Variants in RBM26 observed in about 807,000 individuals in gnomAD.
RBM26 encodes the protein RNA binding motif protein 26.
In RBM26, 30 loss-of-function variants were observed where a neutral mutation model predicts 123.6. The ratio of observed to expected loss-of-function variants is 0.24; its 90% CI spans 0.18 to 0.33. The LOEUF is 0.33. Ranked by LOEUF, RBM26 falls within the 10% of genes least tolerant of loss-of-function variation. The pLI is 1.00. For missense variants in RBM26, 947 were observed against 1,203.6 expected (o/e 0.79, Z 3.15); for synonymous variants, 400 against 404.4 (o/e 0.99, Z 0.13).
chr13:79,320,606 C>A lies in RBM26; in HGVS notation c.*15G>T. ...AGGTAGAGTTCTAGCATATGCAGAT[C>A]AATGATCAGTCAAATCATCTTCTCC... On this transcript the variant is annotated 3_prime_UTR_variant, in exon 22 of 22. Coordinates refer to ENST00000438737, the MANE Select transcript of RBM26 (RefSeq NM_001366735.2). 1 of 1,577,494 alleles carries A rather than the reference C, an allele frequency of 6.3e-7. No homozygotes were observed. The highest frequency in any genetic ancestry group is 1.2e-5 in the South Asian group (1 of 84,558).
chr13:79,371,759 C>A (rs191843734), intron 4 of RBM26, 83 bp downstream of exon 4: 343 of 951,556 alleles, frequency 3.6e-4, no homozygotes, highest in African/African-American at 2.7e-3. Flanking sequence ...CTTGCCTCTG[C>A]GTAAAAGATA....
intron 9 of RBM26, among the ~76,000 whole-genome samples, chr13:79,360,326 A>C (rs2074527100): frequency 6.6e-6 from 1 of 152,106 alleles, no homozygotes; most frequent in African/African-American, 2.4e-5. Flanking sequence ...ATTCAAATAC[A>C]GTAATCTAAG....
rs1239478701 is a variant in RBM26 at position 79,405,875 on chromosome 13, G to A, written c.-101C>T. 4 of 603,148 alleles carry A rather than the reference G, an allele frequency of 6.6e-6. No individual in the cohort carries two copies. In the East Asian group the frequency reaches 1.1e-4, roughly 17 times the overall value. 37.4% of individuals were successfully genotyped at this position (603,148 alleles called of 1,614,324 possible). ...CCCCTCCTCCGCGCGCCGCCCGCGT[G>A]GGCCGCGGTGGGAGGCGCCGGTGGC... On this transcript the variant is annotated 5_prime_UTR_variant, in exon 1 of 22. Transcript: ENST00000438737.
intron 18 of RBM26, among the ~76,000 whole-genome samples, chr13:79,339,999 C>T (rs1055623437): frequency 2.0e-5 from 3 of 151,936 alleles, no homozygotes; most frequent in Non-Finnish European, 4.4e-5. Context: ...AAGCAAAACA[C>T]AGAATAATAA....
exon 5 of RBM26, chr13:79,312,027 T>C (rs952646532): frequency 6.6e-6 from 1 of 152,048 alleles, no homozygotes; most frequent in Admixed American, 6.6e-5. Flanking sequence ...AGTTTTATTA[T>C]TACTTTAAAA....
chr13:79,381,297 C>T lies in RBM26; in HGVS notation c.72-2390G>A, dbSNP rs191677275. On this transcript the variant is annotated intron_variant, in intron 1 of 21. Coordinates refer to ENST00000438737, the MANE Select transcript of RBM26 (RefSeq NM_001366735.2). ...CTAGACTGCCTCTTACAACGAGGTG[C>T]CAGAAACCTGACTTCCAATTTACTT... Among the ~76,000 whole-genome samples, 711 of 152,090 alleles carry T rather than the reference C, an allele frequency of 4.7e-3. 5 individuals are homozygous for T. The highest frequency in any genetic ancestry group is 0.016 in the African/African-American group (665 of 41,520).
At chr13:79,392,793 CAAAA>C (rs58872719) in intron 1 of RBM26, among the ~76,000 whole-genome samples, 1 of 140,036 alleles carries the variant, frequency 7.1e-6, no homozygotes. Context: ...TTGAGAAGAC[CAAAA>C]AAAAAAAAAA....
chr13:79,353,017 G>A, intron 14 of RBM26, 136 bp downstream of exon 14: 2 of 437,984 alleles, frequency 4.6e-6, no homozygotes, highest in South Asian at 5.3e-5. Flanking sequence ...TCAGCAAATG[G>A]AAACCAAAAG....
At chr13:79,328,489 CTATTAA>C (rs1317112123) in intron 20 of RBM26, among the ~76,000 whole-genome samples, 2 of 150,674 alleles carry the variant, frequency 1.3e-5, no homozygotes, top group South Asian at 2.1e-4. Flanking sequence ...AAAAAAAAGC[CTATTAA>C]TATTAAGAGT....
intron 9 of RBM26, 135 bp from the exon 10 acceptor site, chr13:79,359,821 GAAGA>G (rs2074465498): frequency 1.5e-5 from 3 of 199,944 alleles, no homozygotes; most frequent in Middle Eastern, 2.1e-3. Context: ...TTTTTTTTTA[GAAGA>G]AATAGAAATA....
At chr13:79,350,412 T>C (rs1460608836) in intron 14 of RBM26, among the ~76,000 whole-genome samples, 2 of 152,218 alleles carry the variant, frequency 1.3e-5, no homozygotes, top group Non-Finnish European at 2.9e-5. Flanking sequence ...CAGGACAGTA[T>C]ACACAGATGT....
rs5805029 is a variant in RBM26, at chr13:79,386,417, TAAA to T, written c.72-7513_72-7511del. ...GAAGTTACATAACTTCTAAATTAAA[TAAA>T]AAAAAAAAAAGAAGTGCCCATTAAG... On this transcript the variant is annotated intron_variant, in intron 1 of 21. Transcript: ENST00000438737. 2.3e-4 allele frequency among the ~76,000 whole-genome samples: 31 copies of T among 132,356 alleles called. 1 individual carries two copies. In the South Asian group the frequency reaches 6.9e-3, roughly 30 times the overall value. The allele number at this position is 132,356 out of a possible 152,430, so 86.8% of individuals were successfully genotyped here. A position where few individuals can be genotyped will look rare whatever the true frequency, so the allele number is the denominator to read the frequency against.
intron 1 of RBM26, among the ~76,000 whole-genome samples, chr13:79,394,523 C>T (rs1358829016): frequency 1.3e-5 from 2 of 152,212 alleles, no homozygotes; most frequent in Non-Finnish European, 2.9e-5. Flanking sequence ...TCCCAACTTC[C>T]TTCTGTAGCA....
At chr13:79,402,755 A>G (rs1338391371) in intron 1 of RBM26, among the ~76,000 whole-genome samples, 2 of 152,174 alleles carry the variant, frequency 1.3e-5, no homozygotes, top group African/African-American at 2.4e-5. Context: ...TTCCAAGCTG[A>G]GATAAACATT....
At position 79,365,648 on chromosome 13, in the gene RBM26, T is replaced by C; in HGVS notation, c.1347A>G (p.Arg449=). ...SITNTSRPMY[R]HRVHAQRPNL... The stretch of plus-strand genomic sequence containing the variant: ...TGGGCCTTTGTGCATGCACTCTGTG[T>C]CTATACATAGGTCTGGAAGTGTTTG... The change falls in exon 9 of 22, where the codon AGA becomes AGG. Residue 449 remains arginine, a synonymous_variant. Transcript: ENST00000438737. 3 of 1,613,958 alleles carry C rather than the reference T, an allele frequency of 1.9e-6. No homozygotes were observed. The highest frequency in any genetic ancestry group is 2.5e-6 in the Non-Finnish European group (3 of 1,179,846).
Position 79,319,683 on chromosome 13 carries a change from C to T in RBM26, c.*938G>A, listed in dbSNP as rs2067462391. The T allele has an allele frequency of 9.2e-6, 9 of 983,450 alleles. No homozygotes were observed. The highest frequency in any genetic ancestry group is 1.1e-5 in the Non-Finnish European group (9 of 828,532). 60.9% of individuals were successfully genotyped at this position (983,450 alleles called of 1,614,324 possible). A position where few individuals can be genotyped will look rare whatever the true frequency, so the allele number is the denominator to read the frequency against. The stretch of plus-strand genomic sequence containing the variant: ...GCTCTACTTGCAGTCTGGTTCCAAA[C>T]TAATCAGCCTGCTTTTAAATTTTAA... On this transcript the variant is annotated 3_prime_UTR_variant, in exon 22 of 22. Coordinates refer to ENST00000438737, the MANE Select transcript of RBM26 (RefSeq NM_001366735.2).
At chr13:79,331,151 C>T (rs2069257302) in intron 20 of RBM26, among the ~76,000 whole-genome samples, 1 of 152,108 alleles carries the variant, frequency 6.6e-6, no homozygotes, top group Admixed American at 6.5e-5. Context: ...GCTGGGACTG[C>T]AGGTGCACGC....
intron 1 of RBM26, among the ~76,000 whole-genome samples, chr13:79,400,951 G>C (rs1299184989): frequency 1.3e-5 from 2 of 152,134 alleles, no homozygotes; most frequent in Non-Finnish European, 2.9e-5. Flanking sequence ...CCAGCGACAG[G>C]AACAGAAAGC....
chr13:79,340,760 T>C (rs1434196595), intron 18 of RBM26, among the ~76,000 whole-genome samples: 1 of 151,980 alleles, frequency 6.6e-6, no homozygotes, highest in Non-Finnish European at 1.5e-5. Flanking sequence ...AAAACTCGCA[T>C]ACAGCAACTC....
Sources: allele counts gnomAD v4.1 joint callset (sites outside exome capture counted in the v4.1 genomes callset), GRCh38; gene constraint gnomAD v4.1.1; transcripts MANE v1.5; gene names NCBI Gene and HGNC (gene_info 2026-07-23, HGNC 2026-07-21).